Variants in FABP6 observed in about 807,000 individuals in gnomAD.
The protein encoded by FABP6 is fatty acid binding protein 6, also known as gastrotropin.
FABP6 carries 13 observed loss-of-function variants against 14.9 expected under a neutral mutation model. The ratio of observed to expected loss-of-function variants is 0.87; its 90% CI spans 0.57 to 1.39. FABP6 has a LOEUF of 1.39. Ranked by LOEUF, FABP6 falls within the 40% of genes most tolerant of loss-of-function variation. FABP6 has a pLI of 0.00. For synonymous variants in FABP6, 75 were observed against 63.6 expected (o/e 1.18, Z -0.85); for missense variants, 161 against 167.2 (o/e 0.96, Z 0.20).
Position 160,204,138 on chromosome 5 carries a change from C to CA in FABP6, c.51+5000dup, listed in dbSNP as rs67908380. The stretch of plus-strand genomic sequence containing the variant: ...TAGGCAATAGAGTGAGACTCCATCT[C>CA]AAAAAAAAAAAAAAAAAAATACCCA... On this transcript the variant is annotated intron_variant, in intron 2 of 6. Transcript: ENST00000393980. Among the ~76,000 whole-genome samples, 297 of 119,194 alleles carry CA rather than the reference C, an allele frequency of 2.5e-3. 2 individuals are homozygous for CA. Among genetic ancestry groups the CA allele is most frequent in the Admixed American group, 3.1e-3 (33 of 10,654 alleles). 78.2% of individuals were successfully genotyped at this position (119,194 alleles called of 152,430 possible).
At chr5:160,207,118 A>G (rs1439954262) in intron 2 of FABP6, among the ~76,000 whole-genome samples, 1 of 152,254 alleles carries the variant, frequency 6.6e-6, no homozygotes, top group Non-Finnish European at 1.5e-5. Flanking sequence ...GAAATGCAAA[A>G]TAGCACAGTG....
intron 2 of FABP6, among the ~76,000 whole-genome samples, chr5:160,207,424 C>G (rs1759791074): frequency 6.6e-6 from 1 of 152,174 alleles, no homozygotes; most frequent in Non-Finnish European, 1.5e-5. Context: ...TTTAGGTTTT[C>G]TGCTCTAAAT....
intron 1 of FABP6, among the ~76,000 whole-genome samples, chr5:160,194,064 C>G (rs554979030): frequency 2.0e-5 from 3 of 152,212 alleles, no homozygotes; most frequent in Non-Finnish European, 4.4e-5. Flanking sequence ...TAAGGCCCGG[C>G]GAGAAATCAA....
chr5:160,208,253 G>A (rs1759810523), intron 2 of FABP6, among the ~76,000 whole-genome samples: 1 of 151,926 alleles, frequency 6.6e-6, no homozygotes, highest in African/African-American at 2.4e-5. Context: ...GGCCATCATG[G>A]GCAATATAAC....
At chr5:160,231,425 G>A (rs975177386) in intron 1 of FABP6, among the ~76,000 whole-genome samples, 9 of 152,188 alleles carry the variant, frequency 5.9e-5, no homozygotes, top group African/African-American at 2.2e-4. Flanking sequence ...ACGGAGTCCT[G>A]CTCTGTAGCC....
chr5:160,217,478 C>T (rs1042796295), intron 3 of FABP6, among the ~76,000 whole-genome samples: 2 of 152,148 alleles, frequency 1.3e-5, no homozygotes, highest in Non-Finnish European at 2.9e-5. Context: ...GGGAATTGGA[C>T]AGAGCATCGT....
At chr5:160,235,694 C>A (rs1760494844) in intron 3 of FABP6, among the ~76,000 whole-genome samples, 1 of 151,644 alleles carries the variant, frequency 6.6e-6, no homozygotes, top group African/African-American at 2.4e-5. Flanking sequence ...CTTCCCTCCT[C>A]CCTGAAGCTC....
rs1298904835 is a variant in FABP6, at chr5:160,232,078, C to T, written c.68-20C>T. The T allele has an allele frequency of 3.7e-6, 6 of 1,612,588 alleles. No individual in the cohort carries two copies. The highest frequency in any genetic ancestry group is 1.1e-5 in the South Asian group (1 of 90,842). ...TAAAAGCAGCTCTTATATGGCTACT[C>T]TGCTTGTCCCCGGGTCCAGGGATCT... On this transcript the variant is annotated intron_variant, in intron 1 of 3. Transcript: ENST00000402432.
intron 2 of FABP6, among the ~76,000 whole-genome samples, chr5:160,211,308 C>G (rs1364577705): frequency 6.6e-6 from 1 of 152,116 alleles, no homozygotes; most frequent in Non-Finnish European, 1.5e-5. Flanking sequence ...TCACCCACCC[C>G]CAGAGGGAAT....
intron 3 of FABP6, among the ~76,000 whole-genome samples, chr5:160,220,620 TAATA>T (rs927398565): frequency 2.6e-5 from 4 of 151,856 alleles, no homozygotes; most frequent in South Asian, 2.1e-4. Flanking sequence ...TTATTATTAA[TAATA>T]AATAAGGCTT....
chr5:160,230,983 G>A (rs1679244931), intron 1 of FABP6, among the ~76,000 whole-genome samples: 1 of 152,244 alleles, frequency 6.6e-6, no homozygotes, highest in Non-Finnish European at 1.5e-5. Context: ...GAACCAATGA[G>A]ACAGTGGATC....
At chr5:160,196,024 C>T (rs555120834) in intron 1 of FABP6, 1 of 152,644 alleles carries the variant, frequency 6.6e-6, no homozygotes, top group Non-Finnish European at 1.5e-5. Flanking sequence ...GGACATGGGC[C>T]AGGAGGATTT....
chr5:160,230,667 A>G (rs963748835), intron 1 of FABP6, among the ~76,000 whole-genome samples: 14 of 152,072 alleles, frequency 9.2e-5, no homozygotes, highest in Non-Finnish European at 1.8e-4. Flanking sequence ...CAGCCCATCA[A>G]ACATTTATTG....
intron 3 of FABP6, among the ~76,000 whole-genome samples, chr5:160,216,566 C>T (rs1760017366): frequency 6.6e-6 from 1 of 152,166 alleles, no homozygotes; most frequent in Middle Eastern, 3.2e-3. Flanking sequence ...CCGTGCCTGC[C>T]TGGCCCTCAT....
At chr5:160,213,812 A>G in exon 3 of FABP6, 2 of 1,613,386 alleles carry the variant, frequency 1.2e-6, no homozygotes, top group Non-Finnish European at 1.7e-6. Flanking sequence ...CAGACACATA[A>G]AGGAAAGGTA....
intron 3 of FABP6, among the ~76,000 whole-genome samples, chr5:160,236,614 C>G (rs189812814): frequency 6.6e-6 from 1 of 152,118 alleles, no homozygotes; most frequent in Non-Finnish European, 1.5e-5. Context: ...CTAGACTAGG[C>G]CCCCTGCCTC....
upstream of FABP6, among the ~76,000 whole-genome samples, chr5:160,226,009 A>G (rs1240494491): frequency 6.6e-6 from 1 of 151,168 alleles, no homozygotes; most frequent in Non-Finnish European, 1.5e-5. Context: ...TCCTGTCTCT[A>G]TTAAAAACAG....
At chr5:160,213,086 C>T (rs1208224921) in intron 2 of FABP6, among the ~76,000 whole-genome samples, 3 of 152,162 alleles carry the variant, frequency 2.0e-5, no homozygotes, top group Non-Finnish European at 4.4e-5. Context: ...AACTGTCCAC[C>T]CAGAGCAGTT....
rs964764268 is a variant in FABP6 at position 160,199,314 on chromosome 5, G to C, written c.51+157G>C. On this transcript the variant is annotated intron_variant, in intron 2 of 6. Transcript: ENST00000393980. ...CTCCAAAGCCCTTTTCCTCCTTTCA[G>C]CTGTCTCTCTGTGACTGTCTTTGTG... 1.6e-5 allele frequency: 12 copies of C among 728,462 alleles called. No homozygotes were observed. In the African/African-American group the frequency reaches 1.7e-4, roughly 11 times the overall value. The allele number at this position is 728,462 out of a possible 1,614,324, so 45.1% of individuals were successfully genotyped here.
Sources: allele counts gnomAD v4.1 joint callset (sites outside exome capture counted in the v4.1 genomes callset), GRCh38; gene constraint gnomAD v4.1.1; transcripts MANE v1.5; gene names NCBI Gene and HGNC (gene_info 2026-07-23, HGNC 2026-07-21).